The following NHERF2 variants were observed in gnomAD, a reference collection of about 807,000 sequenced individuals.
The protein encoded by NHERF2 is Na(+)/H(+) exchange regulatory cofactor NHE-RF2.
At chr16:2,033,280 A>G in the NHERF2 span, 1 of 1,531,212 alleles carries the variant, frequency 6.5e-7, no homozygotes, top group East Asian at 2.4e-5. Flanking sequence ...GTGGGGTGGC[A>G]GCCTGGGTCG....
chr16:2,038,618 G>A, the NHERF2 span: 128 of 281,340 alleles, frequency 4.5e-4, 1 homozygote, highest in African/African-American at 2.7e-3. Flanking sequence ...TGATGTGGCC[G>A]TAGGAGCTGC....
the NHERF2 span, chr16:2,036,667 C>A: frequency 6.3e-7 from 1 of 1,588,050 alleles, no homozygotes; most frequent in Non-Finnish European, 8.6e-7. Flanking sequence ...CCACACCTGG[C>A]CACGCGGCGT....
the NHERF2 span, among the ~76,000 whole-genome samples, chr16:2,031,963 A>G: frequency 5.3e-5 from 8 of 151,170 alleles, no homozygotes; most frequent in African/African-American, 1.9e-4. Context: ...AAGTTCTGGG[A>G]TTACAGGTGT....
chr16:2,033,115 CCTTT>C, the NHERF2 span: 1 of 1,392,284 alleles, frequency 7.2e-7, no homozygotes, highest in Non-Finnish European at 9.3e-7. Context: ...TTCCTTCCTT[CCTTT>C]CTTGGGACGG....
the NHERF2 span, among the ~76,000 whole-genome samples, chr16:2,034,420 C>T: frequency 6.3e-4 from 2 of 3,176 alleles, no homozygotes; most frequent in South Asian, 0.016. Flanking sequence ...CGTGCTCCAC[C>T]TCCCCTCCCG....
At chr16:2,036,543 C>A in the NHERF2 span, 1 of 1,546,858 alleles carries the variant, frequency 6.5e-7, no homozygotes, top group Non-Finnish European at 8.7e-7. Flanking sequence ...GAGTGCCCCG[C>A]ACCTGTCCAC....
the NHERF2 span, chr16:2,037,670 G>T: frequency 6.3e-7 from 1 of 1,576,278 alleles, no homozygotes; most frequent in Non-Finnish European, 8.6e-7. Flanking sequence ...CGTCTGTGGA[G>T]ATGTCAGCCC....
the NHERF2 span, chr16:2,037,646 G>T: frequency 9.4e-6 from 15 of 1,598,262 alleles, no homozygotes; most frequent in Non-Finnish European, 1.3e-5. Flanking sequence ...GGTTGCTAGA[G>T]GCCTTGGGGT....
At chr16:2,029,124 A>G in the NHERF2 span, among the ~76,000 whole-genome samples, 1 of 152,198 alleles carries the variant, frequency 6.6e-6, no homozygotes, top group African/African-American at 2.4e-5. Flanking sequence ...ACACACTCAA[A>G]CTGGGGCCCA....
At chr16:2,034,815 C>G in the NHERF2 span, among the ~76,000 whole-genome samples, 20,225 of 150,140 alleles carry the variant, frequency 0.13, 1,422 homozygotes, top group Non-Finnish European at 0.18. Flanking sequence ...CCTGTCCCCA[C>G]GCCTTCCCTG....
chr16:2,027,942 C>T, the NHERF2 span, among the ~76,000 whole-genome samples: 2 of 152,354 alleles, frequency 1.3e-5, no homozygotes, highest in Middle Eastern at 3.4e-3. Flanking sequence ...CACTACTCCT[C>T]CTCAGAGGCT....
At chr16:2,029,731 G>A in the NHERF2 span, 8 of 1,041,862 alleles carry the variant, frequency 7.7e-6, no homozygotes, top group Middle Eastern at 2.4e-4. Flanking sequence ...CCTGGGAGCC[G>A]AAGCCAGACT....
the NHERF2 span, chr16:2,038,243 C>CAG: frequency 3.5e-6 from 2 of 569,160 alleles, no homozygotes; most frequent in Non-Finnish European, 6.3e-6. Context: ...GAGAGAGACA[C>CAG]AGAGAGAGAC....
At chr16:2,034,370 G>T in the NHERF2 span, among the ~76,000 whole-genome samples, 6 of 120,790 alleles carry the variant, frequency 5.0e-5, no homozygotes, top group African/African-American at 1.9e-4. Flanking sequence ...CTGGACTCCT[G>T]TCCCCACGCC....
At chr16:2,027,768 G>A in the NHERF2 span, among the ~76,000 whole-genome samples, 5 of 152,190 alleles carry the variant, frequency 3.3e-5, no homozygotes, top group East Asian at 1.9e-4. Flanking sequence ...ACTCCTGGGC[G>A]TATGGGAGCT....
At chr16:2,029,977 C>G in the NHERF2 span, among the ~76,000 whole-genome samples, 1 of 152,198 alleles carries the variant, frequency 6.6e-6, no homozygotes, top group African/African-American at 2.4e-5. Context: ...GTGTTTTAAA[C>G]TGGGTAGGGT....
chr16:2,027,662 C>T, the NHERF2 span, among the ~76,000 whole-genome samples: 31 of 152,138 alleles, frequency 2.0e-4, no homozygotes, highest in Non-Finnish European at 3.8e-4. Flanking sequence ...CAGGAGGGGT[C>T]GCAGTAAAGG....
the NHERF2 span, chr16:2,029,646 A>G: frequency 6.3e-7 from 1 of 1,574,970 alleles, no homozygotes; most frequent in Non-Finnish European, 8.6e-7. Flanking sequence ...CAGGAGACAG[A>G]TGAGGAGCTC....
chr16:2,036,662 C>G, the NHERF2 span: 2 of 1,584,654 alleles, frequency 1.3e-6, no homozygotes, highest in East Asian at 2.2e-5. Context: ...TGATGCCACA[C>G]CTGGCCACGC....
Sources: gnomAD v4.1 joint callset for allele counts (sites outside exome capture counted in the v4.1 genomes callset) on GRCh38, gnomAD v4.1.1 for gene constraint, MANE v1.5 for transcripts, NCBI Gene and HGNC (gene_info 2026-07-23, HGNC 2026-07-21) for gene names.